The following C9orf85 variants were observed in gnomAD, a reference collection of about 807,000 sequenced individuals.
The protein encoded by C9orf85 is chromosome 9 open reading frame 85.
In C9orf85, 16 loss-of-function variants were observed where a neutral mutation model predicts 14.9. That is an observed-to-expected ratio of 1.08 (90% CI 0.73 to 1.63). The LOEUF (loss-of-function observed/expected upper bound fraction) is 1.63, where lower values mean the gene tolerates loss of function less well. Among genes scored for constraint, C9orf85 ranks in the 40% most tolerant of loss-of-function variants. The pLI is 0.00. For synonymous variants in C9orf85, 45 were observed against 56.8 expected, an observed-to-expected ratio of 0.79 and a Z score of 0.93; for missense variants, 172 against 186.1, an observed-to-expected ratio of 0.92 and a Z score of 0.44.
Position 71,946,187 on chromosome 9 carries a change from G to C in C9orf85, c.103-819G>C, listed in dbSNP as rs565518098. ...ACTTTTTTAACATGAGAATTCAAAA[G>C]CATAAAACTGAAAAATGAAATGCCT... On this transcript the variant is annotated intron_variant, in intron 1 of 3. Transcript: ENST00000334731. Among the ~76,000 whole-genome samples the C allele has an allele frequency of 3.3e-5, 5 of 152,260 alleles. No homozygotes were observed. The South Asian group carries it at 6.2e-4, about 19-fold the overall frequency.
chr9:71,918,526 C>A, intron 1 of C9orf85: 1 of 963,422 alleles, frequency 1.0e-6, no homozygotes, highest in Non-Finnish European at 1.5e-6. Flanking sequence ...CTGTCAGGAA[C>A]TGGGCCACAC....
chr9:71,952,928 T>G (rs914558395), intron 2 of C9orf85, among the ~76,000 whole-genome samples: 2 of 150,826 alleles, frequency 1.3e-5, no homozygotes, highest in African/African-American at 4.9e-5. Flanking sequence ...CTTGCCATAG[T>G]AGTAGAAAAG....
At chr9:71,925,735 A>G (rs1827916865) in intron 1 of C9orf85, among the ~76,000 whole-genome samples, 1 of 152,236 alleles carries the variant, frequency 6.6e-6, no homozygotes, top group African/African-American at 2.4e-5. Flanking sequence ...CTGTTTTTTT[A>G]TATATCTGAA....
At chr9:71,966,571 A>G (rs1886258) in intron 2 of C9orf85, among the ~76,000 whole-genome samples, 144,017 of 152,216 alleles carry the variant, frequency 0.95, 68,567 homozygotes, top group East Asian at 1. Flanking sequence ...TAACAAGGGA[A>G]AAGGATGTAC....
intron 3 of C9orf85, among the ~76,000 whole-genome samples, chr9:71,981,529 G>A (rs987678902): frequency 6.6e-5 from 10 of 152,190 alleles, no homozygotes; most frequent in African/African-American, 2.4e-4. Context: ...ACTGTCCCTT[G>A]AGTGAGACCC....
At chr9:71,943,911 A>G (rs1822012380) in intron 1 of C9orf85, among the ~76,000 whole-genome samples, 1 of 151,886 alleles carries the variant, frequency 6.6e-6, no homozygotes. Context: ...TAGAATGCTT[A>G]AAGCAGCAAT....
chr9:71,947,500 T>C (rs1342055968), intron 2 of C9orf85, among the ~76,000 whole-genome samples: 1 of 152,168 alleles, frequency 6.6e-6, no homozygotes, highest in African/African-American at 2.4e-5. Flanking sequence ...ATTCAACTCA[T>C]GAAGATTACA....
intron 1 of C9orf85, among the ~76,000 whole-genome samples, chr9:71,924,139 G>A (rs572176193): frequency 6.6e-6 from 1 of 152,318 alleles, no homozygotes; most frequent in South Asian, 2.1e-4. Flanking sequence ...TTTTCTAACA[G>A]TGATTAATTT....
intron 1 of C9orf85, among the ~76,000 whole-genome samples, chr9:71,914,789 C>T (rs906735488): frequency 1.1e-4 from 16 of 152,166 alleles, no homozygotes; most frequent in South Asian, 8.3e-4. Context: ...AGTGAAGGGG[C>T]TTGCGCCGGG....
At chr9:71,928,460 G>C (rs80040258) in intron 1 of C9orf85, among the ~76,000 whole-genome samples, 1 of 152,158 alleles carries the variant, frequency 6.6e-6, no homozygotes, top group South Asian at 2.1e-4. Flanking sequence ...ATAATGCGGA[G>C]TACATACTAG....
chr9:71,915,187 T>A (rs199546696), intron 1 of C9orf85, among the ~76,000 whole-genome samples: 12,894 of 149,132 alleles, frequency 0.086, 741 homozygotes, highest in Middle Eastern at 0.14. Context: ...ATTATTATTT[T>A]TTTTTTTTTT....
chr9:71,981,869 T>A (rs1823102921), intron 3 of C9orf85, among the ~76,000 whole-genome samples: 1 of 152,220 alleles, frequency 6.6e-6, no homozygotes, highest in Non-Finnish European at 1.5e-5. Context: ...CTCATAGTGA[T>A]AATTGTCTCT....
intron 2 of C9orf85, among the ~76,000 whole-genome samples, chr9:71,954,135 A>G (rs767011788): frequency 4.1e-5 from 6 of 146,064 alleles, no homozygotes; most frequent in Non-Finnish European, 9.0e-5. Context: ...AAAAAAGCGT[A>G]TTTTACATAA....
intron 1 of C9orf85, among the ~76,000 whole-genome samples, chr9:71,938,383 T>C (rs540775178): frequency 6.6e-6 from 1 of 152,220 alleles, no homozygotes; most frequent in South Asian, 2.1e-4. Flanking sequence ...TAATTATGTG[T>C]ACTCATTCTA....
chr9:71,924,771 T>C (rs548641454), intron 1 of C9orf85, among the ~76,000 whole-genome samples: 9 of 152,346 alleles, frequency 5.9e-5, no homozygotes, highest in African/African-American at 1.9e-4. Context: ...TATATACTTA[T>C]ATATGTGAAT....
At chr9:71,922,868 G>A (rs561466577) in intron 1 of C9orf85, among the ~76,000 whole-genome samples, 6 of 152,304 alleles carry the variant, frequency 3.9e-5, no homozygotes, top group African/African-American at 7.2e-5. Flanking sequence ...CATGGCTCAC[G>A]CCTGTAATCC....
chr9:71,943,831 G>A (rs1437127940), intron 1 of C9orf85, among the ~76,000 whole-genome samples: 3 of 150,908 alleles, frequency 2.0e-5, no homozygotes, highest in East Asian at 2.0e-4. Flanking sequence ...GTGAGCCACC[G>A]CACCCGGCCC....
intron 1 of C9orf85, among the ~76,000 whole-genome samples, chr9:71,914,018 C>G (rs560247906): frequency 2.6e-5 from 4 of 152,116 alleles, no homozygotes; most frequent in African/African-American, 7.2e-5. Flanking sequence ...AAAAATCATT[C>G]GGTTGATTGT....
intron 2 of C9orf85, among the ~76,000 whole-genome samples, chr9:71,964,297 G>A (rs982426316): frequency 6.6e-6 from 1 of 152,010 alleles, no homozygotes; most frequent in East Asian, 1.9e-4. Context: ...CCAGAGAAGA[G>A]AATAAAAGCA....
Sources: gnomAD v4.1 joint callset for allele counts (sites outside exome capture counted in the v4.1 genomes callset) on GRCh38, gnomAD v4.1.1 for gene constraint, MANE v1.5 for transcripts, NCBI Gene and HGNC (gene_info 2026-07-23, HGNC 2026-07-21) for gene names.